The following SDF2 variants were observed in gnomAD, a reference collection of about 807,000 sequenced individuals.
SDF2 encodes the protein stromal cell derived factor 2, also known as stromal cell-derived factor 2.
In SDF2, 12 loss-of-function variants were observed where a neutral mutation model predicts 20.5. The observed-to-expected ratio is 0.58, with a 90% CI of 0.37 to 0.95. The LOEUF is 0.95. Among genes scored for constraint, SDF2 ranks in the 40% least tolerant of loss-of-function variants. The pLI is 0.01. For missense variants in SDF2, 238 were observed against 263.1 expected (o/e 0.90, Z 0.66); for synonymous variants, 100 against 101.0 (o/e 0.99, Z 0.06).
chr17:28,660,971 C>T, intron 1 of SDF2: 1 of 173,064 alleles, frequency 5.8e-6, no homozygotes, highest in South Asian at 9.4e-5. Flanking sequence ...TGATTATCAC[C>T]ACCGAATCTC....
chr17:28,655,725 A>G, intron 1 of SDF2: 1 of 571,106 alleles, frequency 1.8e-6, no homozygotes, highest in South Asian at 2.4e-5. Flanking sequence ...GACAAGGGCC[A>G]AGCCCATCTT....
intron 1 of SDF2, among the ~76,000 whole-genome samples, chr17:28,661,448 T>C (rs2072040769): frequency 6.6e-6 from 1 of 152,256 alleles, no homozygotes. Flanking sequence ...TTTCCTCATC[T>C]GTGAAATGAG....
upstream of SDF2, chr17:28,662,087 T>G: frequency 2.1e-6 from 1 of 480,834 alleles, no homozygotes; most frequent in Non-Finnish European, 3.6e-6. Context: ...ACAGCTGCCT[T>G]CCTGAGCCGC....
At position 28,655,290 on chromosome 17, in the gene SDF2, G is replaced by A. The variant is rs1396059085; in HGVS notation, c.345C>T (p.Asn115=). 2 of 1,614,096 alleles carry A rather than the reference G, an allele frequency of 1.2e-6. No homozygotes were observed. The part of the protein sequence containing the change: ...SHHFTSPLSG[N]QEVSAFGEEG... Reference sequence around the variant, plus strand: ...AATCCATCGAAAGCCACCTCACCTGGTTTCCAGAAAGAGGTGAAGTGAAGT... The same window carrying A: ...AATCCATCGAAAGCCACCTCACCTGATTTCCAGAAAGAGGTGAAGTGAAGT... Residue 115 remains asparagine, a synonymous_variant, in exon 2 of 3, where the codon AAC becomes AAT. Transcript: ENST00000247020.
chr17:28,650,495 T>C (rs1282546615), intron 2 of SDF2, among the ~76,000 whole-genome samples: 1 of 151,782 alleles, frequency 6.6e-6, no homozygotes, highest in Non-Finnish European at 1.5e-5. Context: ...TTTTAAGAGT[T>C]GGGATTGTGG....
chr17:28,648,830 G>A lies in SDF2; in HGVS notation c.*159C>T. The stretch of plus-strand genomic sequence containing the variant: ...AGAGTGACTAGTTCAAATGTGCAGG[G>A]CTGAAGCTTCCAAACACAGCCACTA... On this transcript the variant is annotated 3_prime_UTR_variant, in exon 3 of 3. Transcript: ENST00000247020. The A allele has an allele frequency of 2.8e-6, 2 of 717,974 alleles. No individual in the cohort carries two copies. The highest frequency in any genetic ancestry group is 4.6e-6 in the Non-Finnish European group (2 of 434,860). 44.5% of individuals were successfully genotyped at this position (717,974 alleles called of 1,614,324 possible).
At chr17:28,654,270 G>A (rs1173376898) in intron 2 of SDF2, among the ~76,000 whole-genome samples, 1 of 151,928 alleles carries the variant, frequency 6.6e-6, no homozygotes, top group East Asian at 1.9e-4. Context: ...TACAACCTGG[G>A]TGACAGAGCA....
chr17:28,658,255 T>C (rs377659071), intron 1 of SDF2, among the ~76,000 whole-genome samples: 1 of 151,212 alleles, frequency 6.6e-6, no homozygotes, highest in African/African-American at 2.4e-5. Flanking sequence ...ACCTGTAGTT[T>C]TTTTTTTTTT....
rs537040988 is a variant in SDF2 at position 28,658,340 on chromosome 17, G to C, written c.152-2857C>G. ...GGCAGGGTCACAGGATAATAGTGGA[G>C]AGAAGGTCAGCAGATAAACATGTGA... On this transcript the variant is annotated intron_variant, in intron 1 of 2. Transcript: ENST00000247020. Among the ~76,000 whole-genome samples the C allele has an allele frequency of 3.5e-3, 535 of 151,794 alleles. 2 individuals carry two copies. The highest frequency in any genetic ancestry group is 5.7e-3 in the Non-Finnish European group (388 of 67,932).
At chr17:28,657,228 A>T (rs1168525465) in intron 1 of SDF2, among the ~76,000 whole-genome samples, 1 of 152,106 alleles carries the variant, frequency 6.6e-6, no homozygotes, top group Non-Finnish European at 1.5e-5. Flanking sequence ...CTCTGTCTCA[A>T]AACAAAAACA....
chr17:28,648,863 T>C lies in SDF2; in HGVS notation c.*126A>G. The C allele has an allele frequency of 1.1e-6, 1 of 930,748 alleles. No individual in the cohort carries two copies. Among genetic ancestry groups the C allele is most frequent in the East Asian group, 2.4e-5 (1 of 40,988 alleles). The allele number at this position is 930,748 out of a possible 1,614,324, so 57.7% of individuals were successfully genotyped here. A position where few individuals can be genotyped will look rare whatever the true frequency, so the allele number is the denominator to read the frequency against. On this transcript the variant is annotated 3_prime_UTR_variant, in exon 3 of 3. Transcript: ENST00000247020. ...TTCCAAACACAGCCACTATTTTCTGTTGTATATCTTCATCTCAATGGTGAC... is the reference window on the plus strand; with the variant it reads ...TTCCAAACACAGCCACTATTTTCTGCTGTATATCTTCATCTCAATGGTGAC...
intron 1 of SDF2, chr17:28,657,710 T>A (rs188478806): frequency 2.1e-4 from 32 of 152,060 alleles, no homozygotes; most frequent in African/African-American, 7.7e-4. Context: ...AAAAAAAATT[T>A]TTATATTTAA....
chr17:28,661,680 C>T, intron 1 of SDF2, 46 bp downstream of exon 1: 1 of 1,589,414 alleles, frequency 6.3e-7, no homozygotes, highest in Non-Finnish European at 8.6e-7. Flanking sequence ...CCCTCCAGAG[C>T]CTCCGAGTCC....
Position 28,656,927 on chromosome 17 carries a change from T to C in SDF2, c.152-1444A>G, listed in dbSNP as rs78739481. 6.3e-4 allele frequency among the ~76,000 whole-genome samples: 96 copies of C among 152,310 alleles called. No homozygotes were observed. In the East Asian group the frequency reaches 0.016, roughly 26 times the overall value. ...CTCCCAACTCCCATAAGTGGTCAATTATTATAAACGTATTATTTAAGCAAG... is the reference window on the plus strand; with the variant it reads ...CTCCCAACTCCCATAAGTGGTCAATCATTATAAACGTATTATTTAAGCAAG... On this transcript the variant is annotated intron_variant, in intron 1 of 2. Transcript: ENST00000247020.
At position 28,655,429 on chromosome 17, in the gene SDF2, T is replaced by C; in HGVS notation, c.206A>G (p.Tyr69Cys). The C allele has an allele frequency of 6.2e-7, 1 of 1,614,154 alleles. No individual in the cohort carries two copies. The highest frequency in any genetic ancestry group is 8.5e-7 in the Non-Finnish European group (1 of 1,179,982). Residue 69 changes from tyrosine to cysteine, a missense_variant, in exon 2 of 3, where the codon TAC (tyrosine) becomes TGC (cysteine). Coordinates refer to ENST00000247020, the MANE Select transcript of SDF2 (RefSeq NM_006923.4). Reference protein sequence around the residue: ...GVTSVDDSNSYWRIRGKSATV... With the variant: ...GVTSVDDSNSCWRIRGKSATV... ...GGCACTCTTCCCCCGTATCCTCCAG[T>C]AACTGTTGCTGTCATCCACAGAGGT...
At chr17:28,656,482 G>C (rs2071963604) in intron 1 of SDF2, among the ~76,000 whole-genome samples, 1 of 152,044 alleles carries the variant, frequency 6.6e-6, no homozygotes, top group Admixed American at 6.6e-5. Flanking sequence ...CAGCTATCTG[G>C]GAGGCTGAGG....
chr17:28,661,861 G>A lies in SDF2; in HGVS notation c.16C>T (p.Leu6=), dbSNP rs138452852. The change falls in exon 1 of 3, where the codon CTG becomes TTG. Residue 6 remains leucine (L), a synonymous_variant. Coordinates refer to ENST00000247020, the MANE Select transcript of SDF2 (RefSeq NM_006923.4). ...CTCCACAAACCCCCCAACAACAGCA[G>A]AGGTACTACAGCCATCCTAACTGTA... is the stretch of plus-strand genomic sequence containing the variant. MAVVP[L]LLLGGLWSAV... 9.8e-5 allele frequency: 158 copies of A among 1,613,584 alleles called. No individual in the cohort carries two copies. Among genetic ancestry groups the A allele is most frequent in the East Asian group, 3.3e-4 (15 of 44,880 alleles).
intron 1 of SDF2, among the ~76,000 whole-genome samples, chr17:28,661,433 G>C (rs1046101383): frequency 7.9e-5 from 12 of 152,310 alleles, no homozygotes; most frequent in African/African-American, 2.9e-4. Flanking sequence ...ATTTCTCTGC[G>C]TCTGTTTCCT....
chr17:28,655,064 G>C (rs2071948233), intron 2 of SDF2, among the ~76,000 whole-genome samples: 1 of 152,232 alleles, frequency 6.6e-6, no homozygotes, highest in African/African-American at 2.4e-5. Flanking sequence ...CAGAGGCGGA[G>C]GTTGCAGTGA....
Sources: gnomAD v4.1 joint callset for allele counts (sites outside exome capture counted in the v4.1 genomes callset) on GRCh38, gnomAD v4.1.1 for gene constraint, MANE v1.5 for transcripts, NCBI Gene and HGNC (gene_info 2026-07-23, HGNC 2026-07-21) for gene names.